ARMH4: variants seen among roughly 807,000 people sequenced by gnomAD.
ARMH4 encodes armadillo like helical domain containing 4.
ARMH4 carries 49 observed loss-of-function variants against 61.9 expected under a neutral mutation model. The observed-to-expected ratio is 0.79, with a 90% confidence interval of 0.63 to 1.00. The LOEUF is 1.00. ARMH4 is among the 50% of genes least tolerant of loss of function. ARMH4 has a pLI of 0.00. For missense variants in ARMH4, 934 were observed against 930.0 expected (o/e 1.00, Z -0.06); for synonymous variants, 368 against 341.5 (o/e 1.08, Z -0.85).
intron 5 of ARMH4, among the ~76,000 whole-genome samples, chr14:58,016,110 A>G (rs1358754034): frequency 1.3e-5 from 2 of 152,124 alleles, no homozygotes; most frequent in African/African-American, 4.8e-5. Context: ...CTCCAGTTAT[A>G]GAAGACATGT....
intron 5 of ARMH4, among the ~76,000 whole-genome samples, chr14:58,052,068 G>A (rs1006781264): frequency 2.0e-5 from 3 of 152,064 alleles, no homozygotes; most frequent in Non-Finnish European, 2.9e-5. Context: ...TCTAGGCCCT[G>A]GTCATCTCCC....
intron 4 of ARMH4, among the ~76,000 whole-genome samples, chr14:58,115,953 T>C (rs1044842878): frequency 7.9e-5 from 12 of 152,068 alleles, no homozygotes; most frequent in African/African-American, 2.9e-4. Context: ...ACAAACTATC[T>C]AGTACTACGC....
chr14:58,067,706 TC>T (rs1394301148), intron 5 of ARMH4, among the ~76,000 whole-genome samples: 1 of 152,194 alleles, frequency 6.6e-6, no homozygotes, highest in African/African-American at 2.4e-5. Flanking sequence ...TTTGAGTATA[TC>T]CAGCTTCATA....
intron 4 of ARMH4, among the ~76,000 whole-genome samples, chr14:58,103,305 C>A (rs2180519): frequency 4.1e-4 from 62 of 152,042 alleles, no homozygotes; most frequent in Non-Finnish European, 8.1e-4. Context: ...CTGCTATGGT[C>A]TGCATGCATC....
intron 5 of ARMH4, among the ~76,000 whole-genome samples, chr14:58,087,269 C>G (rs1260240221): frequency 6.6e-6 from 1 of 152,182 alleles, no homozygotes; most frequent in Non-Finnish European, 1.5e-5. Context: ...TAACCTACTA[C>G]TTATAGTATT....
intron 5 of ARMH4, among the ~76,000 whole-genome samples, chr14:58,023,864 G>C (rs1330834082): frequency 6.6e-6 from 1 of 152,144 alleles, no homozygotes; most frequent in African/African-American, 2.4e-5. Context: ...GGGTAACTAG[G>C]TACATTGTCA....
At chr14:58,102,882 C>T (rs1396813316) in intron 4 of ARMH4, among the ~76,000 whole-genome samples, 4 of 150,548 alleles carry the variant, frequency 2.7e-5, no homozygotes, top group African/African-American at 9.8e-5. Context: ...ACCTGTAATC[C>T]CAGCACTTTG....
At chr14:58,093,275 T>C (rs1479817135) in intron 5 of ARMH4, among the ~76,000 whole-genome samples, 2 of 152,112 alleles carry the variant, frequency 1.3e-5, no homozygotes, top group Non-Finnish European at 2.9e-5. Context: ...GACAACAAAC[T>C]AATAATACAC....
intron 5 of ARMH4, among the ~76,000 whole-genome samples, chr14:58,091,356 G>C (rs1005552912): frequency 6.6e-6 from 1 of 152,166 alleles, no homozygotes; most frequent in Admixed American, 6.5e-5. Context: ...ACACACCAAG[G>C]ATAGTAGTAG....
In ARMH4 at chr14:58,004,139, C is replaced by T. The variant is rs1170354657; in HGVS notation, c.*597G>A. On this transcript the variant is annotated 3_prime_UTR_variant, in exon 8 of 8. Transcript: ENST00000267485. ...AAAACGGAAGGTGAGAATAATAAAA[C>T]TAGGAGACTGAAGTACATAATGCAA... is the stretch of plus-strand genomic sequence containing the variant. 6.6e-6 allele frequency: 1 copy of T among 152,082 alleles called. No homozygotes were observed. The highest frequency in any genetic ancestry group is 1.9e-4 in the East Asian group (1 of 5,190). 9.4% of individuals were successfully genotyped at this position (152,082 alleles called of 1,614,324 possible). A position where few individuals can be genotyped will look rare whatever the true frequency, so the allele number is the denominator to read the frequency against.
chr14:58,137,868 T>G, intron 2 of ARMH4, 122 bp downstream of exon 2: 6 of 987,582 alleles, frequency 6.1e-6, no homozygotes, highest in Non-Finnish European at 5.8e-6. Context: ...ATTATAGGCA[T>G]GAGCTGCTGC....
At chr14:58,143,636 G>A (rs983022237) in intron 1 of ARMH4, among the ~76,000 whole-genome samples, 3 of 151,776 alleles carry the variant, frequency 2.0e-5, no homozygotes, top group Admixed American at 1.3e-4. Flanking sequence ...GCTAGTTTTT[G>A]TATTTTTAAT....
rs907539470 is a variant in ARMH4 at position 58,001,941 on chromosome 14, T to C, written c.*2795A>G. ...TGGGGATGGTGTTCACAACTGAAGCTGCAGGAATCAGCCCTCCTTTCCAGA... is the reference window on the plus strand; with the variant it reads ...TGGGGATGGTGTTCACAACTGAAGCCGCAGGAATCAGCCCTCCTTTCCAGA... On this transcript the variant is annotated 3_prime_UTR_variant, in exon 8 of 8. Transcript: ENST00000267485. The C allele has an allele frequency of 1.3e-5, 2 of 152,220 alleles. No individual in the cohort carries two copies. The highest frequency in any genetic ancestry group is 4.8e-5 in the African/African-American group (2 of 41,448). 9.4% of individuals were successfully genotyped at this position (152,220 alleles called of 1,614,324 possible). A position where few individuals can be genotyped will look rare whatever the true frequency, so the allele number is the denominator to read the frequency against.
intron 5 of ARMH4, among the ~76,000 whole-genome samples, chr14:58,022,151 C>T (rs1882858387): frequency 6.6e-6 from 1 of 152,174 alleles, no homozygotes; most frequent in African/African-American, 2.4e-5. Flanking sequence ...TTTCCAGCTT[C>T]TAGAATCCAC....
chr14:58,125,609 C>A (rs139200926), intron 4 of ARMH4, among the ~76,000 whole-genome samples: 1,701 of 152,286 alleles, frequency 0.011, 17 homozygotes, highest in Middle Eastern at 0.024. Context: ...CAAATGGAGC[C>A]CCAGATACAG....
intron 5 of ARMH4, among the ~76,000 whole-genome samples, chr14:58,039,015 T>C (rs1169782354): frequency 2.6e-5 from 4 of 152,190 alleles, no homozygotes; most frequent in Admixed American, 2.0e-4. Context: ...CTGGAGCCAC[T>C]ACCACATTTG....
intron 4 of ARMH4, among the ~76,000 whole-genome samples, chr14:58,108,396 T>C (rs1886238224): frequency 6.6e-6 from 1 of 152,218 alleles, no homozygotes; most frequent in Non-Finnish European, 1.5e-5. Context: ...GAACTCACTA[T>C]TCAATTTAAG....
chr14:58,133,379 C>A, intron 2 of ARMH4, 38 bp from the exon 3 acceptor site: 1 of 1,531,440 alleles, frequency 6.5e-7, no homozygotes, highest in Non-Finnish European at 8.8e-7. Context: ...AGACCAAATC[C>A]CTATTTTTTT....
intron 5 of ARMH4, among the ~76,000 whole-genome samples, chr14:58,027,677 A>G (rs1755373044): frequency 6.6e-6 from 1 of 152,156 alleles, no homozygotes; most frequent in Admixed American, 6.5e-5. Flanking sequence ...CTCATGTTCT[A>G]TCCACTAAGA....
Sources: allele counts gnomAD v4.1 joint callset (sites outside exome capture counted in the v4.1 genomes callset), GRCh38; gene constraint gnomAD v4.1.1; transcripts MANE v1.5; gene names NCBI Gene and HGNC (gene_info 2026-07-23, HGNC 2026-07-21).